The following MACROD2 variants were observed in gnomAD, a reference collection of about 807,000 sequenced individuals.
MACROD2 encodes the protein ADP-ribose glycohydrolase MACROD2.
A neutral mutation model predicts 70.4 loss-of-function variants in MACROD2; 36 were observed. The observed-to-expected ratio is 0.51, with a 90% CI of 0.39 to 0.68. The LOEUF is 0.68. Ranked by LOEUF, MACROD2 falls within the 30% of genes least tolerant of loss-of-function variation. The pLI is 0.00. For synonymous variants in MACROD2, 172 were observed against 178.8 expected, an observed-to-expected ratio of 0.96 and a Z score of 0.30; for missense variants, 496 against 538.4, an observed-to-expected ratio of 0.92 and a Z score of 0.78.
chr20:15,431,330 T>C (rs367601367), intron 6 of MACROD2, 75 bp from the exon 7 acceptor site: 15 of 1,363,396 alleles, frequency 1.1e-5, no homozygotes, highest in East Asian at 6.9e-5. Flanking sequence ...TCAAACAAAA[T>C]AGATGTTGAG....
At chr20:15,919,308 G>A (rs1045340734) in intron 10 of MACROD2, among the ~76,000 whole-genome samples, 3 of 152,202 alleles carry the variant, frequency 2.0e-5, no homozygotes, top group Non-Finnish European at 2.9e-5. Flanking sequence ...CACCAGGAGA[G>A]AGGAAACAGA....
At chr20:15,329,147 CTTT>C (rs747856517) in intron 6 of MACROD2, among the ~76,000 whole-genome samples, 33 of 152,114 alleles carry the variant, frequency 2.2e-4, no homozygotes, top group Non-Finnish European at 4.3e-4. Flanking sequence ...AAATATTCTT[CTTT>C]ATGTTCCTCT....
intron 5 of MACROD2, among the ~76,000 whole-genome samples, chr20:14,955,232 AT>A (rs895229464): frequency 6.4e-4 from 88 of 137,348 alleles, no homozygotes; most frequent in African/African-American, 2.1e-3. Flanking sequence ...ATAATATATA[AT>A]TTTTATTATA....
At position 14,783,370 on chromosome 20, in the gene MACROD2, T is replaced by G. The variant is rs1272479923; in HGVS notation, c.418+98411T>G. ...AATATGCTGTCATCTGACTAAATAA[T>G]GCTTTTGGCTGAAATACTGGTCCCA... On this transcript the variant is annotated intron_variant, in intron 5 of 17. Coordinates refer to ENST00000684519, the MANE Select transcript of MACROD2 (RefSeq NM_001351661.2). Among the ~76,000 whole-genome samples, 7 of 152,160 alleles carry G rather than the reference T, an allele frequency of 4.6e-5. No individual in the cohort carries two copies. The East Asian group carries it at 1.3e-3, about 29-fold the overall frequency.
intron 3 of MACROD2, among the ~76,000 whole-genome samples, chr20:14,312,900 C>T (rs1162712161): frequency 1.3e-5 from 2 of 152,186 alleles, no homozygotes; most frequent in Admixed American, 6.5e-5. Context: ...ATCCTGTACG[C>T]CAGAGTGGCA....
chr20:14,048,667 G>C (rs1228077809), intron 2 of MACROD2, among the ~76,000 whole-genome samples: 2 of 151,994 alleles, frequency 1.3e-5, no homozygotes, highest in African/African-American at 4.8e-5. Flanking sequence ...AATAAATATA[G>C]TATTTGGGAG....
At position 15,642,753 on chromosome 20, in the gene MACROD2, CTGTGTGTGTT is replaced by C. The variant is rs980073992; in HGVS notation, c.645+142916_645+142925del. ...CTGAGGAGAATCTCTATCCTGTCTT[CTGTGTGTGTT>C]TGTGTGTGTGTATGTGTGTGTGTAT... On this transcript the variant is annotated intron_variant, in intron 8 of 17. Coordinates refer to ENST00000684519, the MANE Select transcript of MACROD2 (RefSeq NM_001351661.2). Among the ~76,000 whole-genome samples the C allele has an allele frequency of 8.5e-5, 13 of 152,192 alleles. No homozygotes were observed. The East Asian group carries it at 1.5e-3, about 18-fold the overall frequency.
At position 15,744,478 on chromosome 20, in the gene MACROD2, CT is replaced by C. The variant is rs2051150402; in HGVS notation, c.646-118265del. Among the ~76,000 whole-genome samples, 3 of 152,098 alleles carry C rather than the reference CT, an allele frequency of 2.0e-5. No individual in the cohort carries two copies. The South Asian group carries it at 6.2e-4, about 31-fold the overall frequency. On this transcript the variant is annotated intron_variant, in intron 8 of 17. Coordinates refer to ENST00000684519, the MANE Select transcript of MACROD2 (RefSeq NM_001351661.2). ...AGCTGGCAGAGTTATACTTGCTGTACTTGCAGTTACCAAATTTAAATGCCTT... is the reference window on the plus strand; with the variant it reads ...AGCTGGCAGAGTTATACTTGCTGTACTGCAGTTACCAAATTTAAATGCCTT...
Position 15,252,496 on chromosome 20 carries a change from TGAGA to T in MACROD2, c.540+22442_540+22445del, listed in dbSNP as rs1463880830. Among the ~76,000 whole-genome samples, 5 of 152,092 alleles carry T rather than the reference TGAGA, an allele frequency of 3.3e-5. No homozygotes were observed. The South Asian group carries it at 8.3e-4, about 25-fold the overall frequency. The stretch of plus-strand genomic sequence containing the variant: ...CTGGAACTGTTGCTTGTCACAACAG[TGAGA>T]GAGAGAAGGCGGTTCTTAAAGCTAC... On this transcript the variant is annotated intron_variant, in intron 6 of 17. Transcript: ENST00000684519.
At chr20:15,797,269 A>C (rs1010732715) in intron 8 of MACROD2, among the ~76,000 whole-genome samples, 5 of 151,964 alleles carry the variant, frequency 3.3e-5, no homozygotes, top group African/African-American at 4.8e-5. Context: ...CTCCGCTACC[A>C]CGCCCGGCTA....
At chr20:14,113,183 G>T (rs2054474270) in intron 3 of MACROD2, among the ~76,000 whole-genome samples, 1 of 151,948 alleles carries the variant, frequency 6.6e-6, no homozygotes, top group Non-Finnish European at 1.5e-5. Context: ...AATAAGAATA[G>T]AAATAAATAT....
At chr20:15,102,066 G>A (rs2123196437) in intron 5 of MACROD2, among the ~76,000 whole-genome samples, 1 of 152,014 alleles carries the variant, frequency 6.6e-6, no homozygotes, top group South Asian at 2.1e-4. Context: ...CAGAAAGGCA[G>A]AAGATATTTG....
In MACROD2 at chr20:15,771,433, T is replaced by G. The variant is rs538743273; in HGVS notation, c.646-91312T>G. 3.3e-5 allele frequency among the ~76,000 whole-genome samples: 5 copies of G among 151,978 alleles called. No homozygotes were observed. In the East Asian group the frequency reaches 9.7e-4, roughly 29 times the overall value. ...CCTGGGCTCAAGTGAACCTCCCACC[T>G]TGGCCTTCCAAAGTGCTACGATTAT... On this transcript the variant is annotated intron_variant, in intron 8 of 17. Transcript: ENST00000684519.
intron 5 of MACROD2, among the ~76,000 whole-genome samples, chr20:14,768,633 T>G (rs934017962): frequency 6.6e-6 from 1 of 151,984 alleles, no homozygotes; most frequent in African/African-American, 2.4e-5. Flanking sequence ...CTCTTTTTTT[T>G]TGAGATGGAG....
intron 8 of MACROD2, among the ~76,000 whole-genome samples, chr20:15,636,635 A>G (rs1024349856): frequency 4.6e-5 from 7 of 152,104 alleles, no homozygotes; most frequent in Admixed American, 3.9e-4. Flanking sequence ...GTTTTTCAGG[A>G]TTTCGTGGCC....
chr20:14,597,315 A>C (rs925688274), intron 4 of MACROD2, among the ~76,000 whole-genome samples: 5 of 152,150 alleles, frequency 3.3e-5, no homozygotes, highest in African/African-American at 1.2e-4. Context: ...TGTGGGAATG[A>C]AGGCAGTTTG....
At chr20:15,799,961 T>C (rs1000378694) in intron 8 of MACROD2, among the ~76,000 whole-genome samples, 1 of 152,228 alleles carries the variant, frequency 6.6e-6, no homozygotes, top group African/African-American at 2.4e-5. Context: ...TTTCGTCTGT[T>C]CATTTGATAA....
chr20:14,815,869 A>G (rs2072768381), intron 5 of MACROD2, among the ~76,000 whole-genome samples: 1 of 152,012 alleles, frequency 6.6e-6, no homozygotes, highest in African/African-American at 2.4e-5. Flanking sequence ...ATCTACAACC[A>G]TATTTTAAAG....
intron 8 of MACROD2, among the ~76,000 whole-genome samples, chr20:15,501,183 T>C (rs778834811): frequency 1.3e-5 from 2 of 152,234 alleles, no homozygotes; most frequent in African/African-American, 4.8e-5. Flanking sequence ...TAAAAGCCAG[T>C]TATCTTCAAT....
Sources: allele counts gnomAD v4.1 joint callset (sites outside exome capture counted in the v4.1 genomes callset), GRCh38; gene constraint gnomAD v4.1.1; transcripts MANE v1.5; gene names NCBI Gene and HGNC (gene_info 2026-07-23, HGNC 2026-07-21).